TACC2: variants seen among roughly 807,000 people sequenced by gnomAD.
The protein encoded by TACC2 is transforming acidic coiled-coil containing protein 2.
TACC2 carries 137 observed loss-of-function variants against 227.3 expected under a neutral mutation model. That is an observed-to-expected ratio of 0.60 (90% CI 0.52 to 0.69). The LOEUF is 0.69. Ranked by LOEUF, TACC2 falls within the 30% of genes least tolerant of loss-of-function variation. The pLI, the probability that TACC2 is intolerant of heterozygous loss-of-function variation, is 0.00. For missense variants in TACC2, 3,470 were observed against 3,694.4 expected (o/e 0.94, Z 1.57); for synonymous variants, 1,523 against 1,487.5 (o/e 1.02, Z -0.55).
At chr10:122,179,028 C>G (rs2140239527) in intron 7 of TACC2, among the ~76,000 whole-genome samples, 1 of 152,332 alleles carries the variant, frequency 6.6e-6, no homozygotes, top group South Asian at 2.1e-4. Flanking sequence ...CAAAGCTGCT[C>G]TTGAACACCT....
Position 122,100,157 on chromosome 10 carries a change from G to A in TACC2, c.5573+11566G>A, listed in dbSNP as rs1252083122. Reference sequence around the variant, plus strand: ...CGTGCGCCTGTAGTCCCTGCTGCTCGGGAGGCTGAGACAGGAGAATCGTTT... The same window carrying A: ...CGTGCGCCTGTAGTCCCTGCTGCTCAGGAGGCTGAGACAGGAGAATCGTTT... On this transcript the variant is annotated intron_variant, in intron 5 of 22. Transcript: ENST00000369005. 3.3e-5 allele frequency among the ~76,000 whole-genome samples: 5 copies of A among 151,970 alleles called. No homozygotes were observed. In the South Asian group the frequency reaches 8.3e-4, roughly 25 times the overall value.
At chr10:122,123,499 G>A (rs1209331181) in intron 5 of TACC2, among the ~76,000 whole-genome samples, 1 of 152,190 alleles carries the variant, frequency 6.6e-6, no homozygotes, top group Non-Finnish European at 1.5e-5. Flanking sequence ...GGGTCTGTGG[G>A]CCCCTCACCC....
At chr10:121,995,213 ATGT>A (rs1395582290) in intron 1 of TACC2, among the ~76,000 whole-genome samples, 2 of 152,140 alleles carry the variant, frequency 1.3e-5, no homozygotes, top group African/African-American at 2.4e-5. Context: ...CCTGTTTCTG[ATGT>A]TGTGCCTGCC....
At chr10:122,246,703 G>A (rs1372169061) in intron 19 of TACC2, 1 of 152,254 alleles carries the variant, frequency 6.6e-6, no homozygotes, top group Non-Finnish European at 1.5e-5. Context: ...CTGTATGCCC[G>A]GCACTATCCT....
At chr10:122,223,759 T>TA (rs1285938704) in intron 11 of TACC2, among the ~76,000 whole-genome samples, 1 of 152,210 alleles carries the variant, frequency 6.6e-6, no homozygotes, top group Admixed American at 6.5e-5. Flanking sequence ...ATTTTCATCT[T>TA]AAAAAAAGTT....
At chr10:122,231,130 A>G (rs1564741063) in intron 16 of TACC2, among the ~76,000 whole-genome samples, 1 of 152,208 alleles carries the variant, frequency 6.6e-6, no homozygotes, top group Non-Finnish European at 1.5e-5. Flanking sequence ...TAGTTTTAGC[A>G]TGGAGTATGA....
intron 3 of TACC2, 117 bp from the exon 4 acceptor site, chr10:122,082,530 G>A: frequency 9.1e-7 from 1 of 1,101,416 alleles, no homozygotes; most frequent in Non-Finnish European, 1.3e-6. Flanking sequence ...AGGATGCTGT[G>A]TCTGTGGTTA....
intron 11 of TACC2, among the ~76,000 whole-genome samples, chr10:122,217,321 G>T (rs938899451): frequency 1.3e-5 from 2 of 151,944 alleles, no homozygotes; most frequent in African/African-American, 4.8e-5. Flanking sequence ...TGCTGAGAGG[G>T]CATGATTCCC....
At chr10:122,147,263 A>G (rs914525797) in intron 7 of TACC2, among the ~76,000 whole-genome samples, 4 of 151,340 alleles carry the variant, frequency 2.6e-5, no homozygotes, top group South Asian at 2.1e-4. Context: ...TCCTGCCTCA[A>G]CCTCCTGAGT....
intron 1 of TACC2, among the ~76,000 whole-genome samples, chr10:122,001,951 T>C (rs1954414063): frequency 6.6e-6 from 1 of 152,240 alleles, no homozygotes; most frequent in Non-Finnish European, 1.5e-5. Context: ...ATATTGATTA[T>C]TTTTCCTCTT....
At chr10:121,996,697 G>A (rs1413011774) in intron 1 of TACC2, among the ~76,000 whole-genome samples, 1 of 152,068 alleles carries the variant, frequency 6.6e-6, no homozygotes, top group Admixed American at 6.5e-5. Context: ...GAGAGAACGA[G>A]GTCCTCTAAA....
intron 1 of TACC2, among the ~76,000 whole-genome samples, chr10:121,997,194 C>G (rs1953628908): frequency 6.6e-6 from 1 of 152,128 alleles, no homozygotes. Flanking sequence ...TTGCAAGAAA[C>G]AGAAACCCAC....
chr10:122,120,959 T>C (rs1435224262), intron 5 of TACC2, among the ~76,000 whole-genome samples: 2 of 152,014 alleles, frequency 1.3e-5, no homozygotes, highest in Non-Finnish European at 2.9e-5. Context: ...ACAGAGGGGG[T>C]TTCGCCTTGT....
In TACC2 at chr10:122,195,020, G is replaced by T; in HGVS notation, c.5835-20G>T. The T allele has an allele frequency of 1.3e-6, 2 of 1,597,752 alleles. No individual in the cohort carries two copies. ...GGCTCTGGGCCCCTGTCTAACCTGT[G>T]CTTCTCCCTCTCTCATCAGGAGTTC... On this transcript the variant is annotated intron_variant, in intron 7 of 22. Coordinates refer to ENST00000369005, the MANE Select transcript of TACC2 (RefSeq NM_206862.4).
chr10:122,206,112 G>A (rs1023704034), intron 8 of TACC2, among the ~76,000 whole-genome samples: 1 of 152,118 alleles, frequency 6.6e-6, no homozygotes, highest in Non-Finnish European at 1.5e-5. Flanking sequence ...AGGGGAGGAT[G>A]GAGAGGCGCC....
At position 122,217,701 on chromosome 10, in the gene TACC2, A is replaced by G. The variant is rs138350238; in HGVS notation, c.7546+873A>G. ...GTGATCTGCCTGCCTTGGCCTCCCA[A>G]AGTGCTGGGATTACAGGTGTGAGCT... On this transcript the variant is annotated intron_variant, in intron 11 of 22. Coordinates refer to ENST00000369005, the MANE Select transcript of TACC2 (RefSeq NM_206862.4). Among the ~76,000 whole-genome samples, 945 of 151,960 alleles carry G rather than the reference A, an allele frequency of 6.2e-3. 14 individuals are homozygous for G. The highest frequency in any genetic ancestry group is 0.022 in the African/African-American group (898 of 41,462).
At chr10:122,230,814 T>C (rs1482315456) in intron 16 of TACC2, among the ~76,000 whole-genome samples, 1 of 152,054 alleles carries the variant, frequency 6.6e-6, no homozygotes, top group South Asian at 2.1e-4. Flanking sequence ...TTTCTACAGA[T>C]ACCATTTGCT....
At chr10:122,244,714 T>C (rs568614099) in intron 19 of TACC2, among the ~76,000 whole-genome samples, 1 of 152,242 alleles carries the variant, frequency 6.6e-6, no homozygotes, top group South Asian at 2.1e-4. Context: ...CCCAGAGAGA[T>C]TGGCAGTTCA....
Position 122,087,728 on chromosome 10 carries a change from C to G in TACC2, c.5228C>G (p.Pro1743Arg). 6.2e-7 allele frequency: 1 copy of G among 1,612,124 alleles called. No homozygotes were observed. Among genetic ancestry groups the G allele is most frequent in the South Asian group, 1.1e-5 (1 of 90,930 alleles). Residue 1743 changes from proline to arginine, a missense_variant, in exon 4 of 23, where the codon CCA becomes CGA. This residue lies in a region of TACC2 where 1,924 missense variants were observed against 1,978.3 expected (regional missense o/e 0.97). Transcript: ENST00000369005. ...FSVVAGDLVL[P>R]GSCQDPACSD... ...GTTGTGGCAGGTGACTTGGTGCTGCCAGGAAGCTGTCAGGACCCAGCCTGC... is the reference window on the plus strand; with the variant it reads ...GTTGTGGCAGGTGACTTGGTGCTGCGAGGAAGCTGTCAGGACCCAGCCTGC...
Sources: allele counts gnomAD v4.1 joint callset (sites outside exome capture counted in the v4.1 genomes callset), GRCh38; gene constraint gnomAD v4.1.1; regional missense constraint gnomAD v4.1.1; transcripts MANE v1.5; gene names NCBI Gene and HGNC (gene_info 2026-07-23, HGNC 2026-07-21).